L3MBTL2: variants seen among roughly 807,000 people sequenced by gnomAD.
L3MBTL2 encodes lethal(3)malignant brain tumor-like protein 2.
L3MBTL2 carries 49 observed loss-of-function variants against 86.4 expected under a neutral mutation model. The observed-to-expected ratio is 0.57, with a 90% CI of 0.45 to 0.72. The LOEUF (loss-of-function observed/expected upper bound fraction) is 0.72, where lower values mean the gene tolerates loss of function less well. Among genes scored for constraint, L3MBTL2 ranks in the 30% least tolerant of loss-of-function variants. The pLI is 0.00. For synonymous variants in L3MBTL2, 336 were observed against 350.6 expected (o/e 0.96, Z 0.47); for missense variants, 755 against 923.7 (o/e 0.82, Z 2.37).
intron 3 of L3MBTL2, 113 bp from the exon 4 acceptor site, chr22:41,216,026 G>A (rs2031330213): frequency 8.5e-6 from 10 of 1,181,356 alleles, no homozygotes; most frequent in Non-Finnish European, 1.2e-5. Flanking sequence ...AGAAACTGAA[G>A]CCCAAAAGAG....
intron 8 of L3MBTL2, among the ~76,000 whole-genome samples, chr22:41,222,379 C>T (rs2031887178): frequency 6.6e-6 from 1 of 152,248 alleles, no homozygotes; most frequent in Non-Finnish European, 1.5e-5. Context: ...GTCTGGGGCG[C>T]CTCTGGGCTG....
At position 41,229,608 on chromosome 22, in the gene L3MBTL2, G is replaced by A. The variant is rs1017098166; in HGVS notation, c.1957G>A (p.Asp653Asn). 68 of 1,613,684 alleles carry A rather than the reference G, an allele frequency of 4.2e-5. No homozygotes were observed. Among genetic ancestry groups the A allele is most frequent in the East Asian group, 8.9e-5 (4 of 44,892 alleles). ...QGSKKPLLED[D>N]PQGARKISSE... is the part of the protein sequence containing the mutation. ...GTCCAAGAAGCCCCTGCTGGAGGAC[G>A]ACCCTCAGGGTGCCAGGAAGATCTC... The change falls in exon 16 of 17, where the codon GAC (aspartate) becomes AAC (asparagine). Residue 653 changes from aspartate (D) to asparagine (N), a missense_variant. Physicochemically the swap from Asp to Asn is conservative, Grantham distance 23. This residue lies in a region of L3MBTL2 where 634 missense variants were observed against 748.9 expected (regional missense o/e 0.85). Transcript: ENST00000216237.
At chr22:41,205,635 G>C (rs1321186557) in intron 1 of L3MBTL2, among the ~76,000 whole-genome samples, 4 of 152,164 alleles carry the variant, frequency 2.6e-5, no homozygotes, top group Admixed American at 1.3e-4. Context: ...AAGGGAACTA[G>C]GTTTAGGATC....
At chr22:41,213,509 C>G in intron 2 of L3MBTL2, 1 of 147,874 alleles carries the variant, frequency 6.8e-6, no homozygotes, top group South Asian at 2.1e-4. Context: ...CCAGGATGGT[C>G]TCAAATTCTT....
intron 16 of L3MBTL2, 46 bp from the exon 17 acceptor site, chr22:41,230,093 C>CCCAGGG: frequency 1.0e-6 from 1 of 965,774 alleles, no homozygotes; most frequent in South Asian, 1.5e-5. Flanking sequence ...CCACCCCTCC[C>CCCAGGG]AGAGTTATTT....
At chr22:41,219,211 G>A (rs1350247663) in intron 5 of L3MBTL2, 3 of 480,858 alleles carry the variant, frequency 6.2e-6, no homozygotes, top group Non-Finnish European at 1.2e-5. Context: ...CCATCACCCT[G>A]CATCCCACCA....
intron 3 of L3MBTL2, among the ~76,000 whole-genome samples, chr22:41,215,262 C>A (rs575123966): frequency 6.6e-6 from 1 of 152,060 alleles, no homozygotes; most frequent in Non-Finnish European, 1.5e-5. Context: ...CCCTCTCTTC[C>A]GAGAGCTAAG....
chr22:41,216,049 G>T (rs775015134), intron 3 of L3MBTL2, 90 bp from the exon 4 acceptor site: 3 of 1,424,944 alleles, frequency 2.1e-6, no homozygotes, highest in Non-Finnish European at 2.9e-6. Context: ...TAAGTCACTG[G>T]CCCAAGCCCA....
rs551517592 is a variant in L3MBTL2 at position 41,225,566 on chromosome 22, C to A, written c.1357-228C>A. Among the ~76,000 whole-genome samples the A allele has an allele frequency of 7.9e-5, 12 of 152,332 alleles. No individual in the cohort carries two copies. The highest frequency in any genetic ancestry group is 1.9e-4 in the African/African-American group (8 of 41,572). ...ACACGGTCCAACAGGATGGACGCGG[C>A]CCCTGCTGGCGTGGTGTTTGCTGTC... On this transcript the variant is annotated intron_variant, in intron 11 of 16. Coordinates refer to ENST00000216237, the MANE Select transcript of L3MBTL2 (RefSeq NM_031488.5). This position sits in a 1 kb window ranked among gnomAD's most constrained non-coding sequence, Gnocchi z 4.1.
In L3MBTL2 at chr22:41,227,007, C is replaced by G. The variant is rs2032230085; in HGVS notation, c.1588-82C>G. Reference sequence around the variant, plus strand: ...CAGTCCCCGCCCCTCCCTGCCAGTTCTTCAAGTGCCTCCGGGCCGGGGCAA... The same window carrying G: ...CAGTCCCCGCCCCTCCCTGCCAGTTGTTCAAGTGCCTCCGGGCCGGGGCAA... On this transcript the variant is annotated intron_variant, in intron 13 of 16. Transcript: ENST00000216237. This position sits in a 1 kb window ranked among gnomAD's most constrained non-coding sequence, Gnocchi z 6.0. The G allele has an allele frequency of 2.3e-5, 29 of 1,271,916 alleles. No homozygotes were observed. Among genetic ancestry groups the G allele is most frequent in the Non-Finnish European group, 3.1e-5 (28 of 911,076 alleles). 78.8% of individuals were successfully genotyped at this position (1,271,916 alleles called of 1,614,324 possible). A position where few individuals can be genotyped will look rare whatever the true frequency, so the allele number is the denominator to read the frequency against.
At chr22:41,210,620 C>T (rs893016710) in intron 2 of L3MBTL2, among the ~76,000 whole-genome samples, 5 of 152,080 alleles carry the variant, frequency 3.3e-5, no homozygotes, top group African/African-American at 1.2e-4. Context: ...TGTGCCACCG[C>T]GCCAGCCTAA....
At chr22:41,216,988 G>C in intron 4 of L3MBTL2, 135 bp from the exon 5 acceptor site, 1 of 650,178 alleles carries the variant, frequency 1.5e-6, no homozygotes, top group Non-Finnish European at 2.7e-6. Context: ...GGAGGGTGTC[G>C]TGGGCAGCGC....
At position 41,225,080 on chromosome 22, in the gene L3MBTL2, G is replaced by C; in HGVS notation, c.1356+9G>C. 6.2e-7 allele frequency: 1 copy of C among 1,608,130 alleles called. No homozygotes were observed. The highest frequency in any genetic ancestry group is 2.2e-5 in the East Asian group (1 of 44,830). ...TGGCAACTGTCTGTAAGGTGAGCCA[G>C]GGGCCGGCTCTCCAGCCTCCAGATT... On this transcript the variant is annotated intron_variant, in intron 11 of 16. Transcript: ENST00000216237. This position sits in a 1 kb window ranked among gnomAD's most constrained non-coding sequence, Gnocchi z 4.1.
chr22:41,222,834 T>C (rs1601526175), intron 8 of L3MBTL2, among the ~76,000 whole-genome samples: 2 of 151,948 alleles, frequency 1.3e-5, no homozygotes, highest in Admixed American at 1.3e-4. Context: ...GGTGAGAGAA[T>C]CGCTTGAAAC....
At position 41,227,565 on chromosome 22, in the gene L3MBTL2, G is replaced by T. The variant is rs747621472; in HGVS notation, c.1823-239G>T. The T allele has an allele frequency of 2.6e-6, 4 of 1,545,850 alleles. No individual in the cohort carries two copies. In the Admixed American group the frequency reaches 5.9e-5, roughly 23 times the overall value. On this transcript the variant is annotated intron_variant, in intron 14 of 16. Coordinates refer to ENST00000216237, the MANE Select transcript of L3MBTL2 (RefSeq NM_031488.5). The surrounding 1 kb of genome is among the most constrained non-coding windows in gnomAD (Gnocchi z 6.0). ...CACTCTGTCATATGTTCGTGCCCTT[G>T]TGCACCCAGGTAAACTACCCAGGTC...
chr22:41,216,889 T>A (rs2031415977), intron 4 of L3MBTL2: 1 of 472,442 alleles, frequency 2.1e-6, no homozygotes, highest in Non-Finnish European at 3.8e-6. Flanking sequence ...CTTTGAATGT[T>A]CCTCTACTCC....
intron 1 of L3MBTL2, among the ~76,000 whole-genome samples, chr22:41,207,123 A>G (rs2030286770): frequency 6.6e-6 from 1 of 152,176 alleles, no homozygotes; most frequent in Non-Finnish European, 1.5e-5. Context: ...CAGGCAAATC[A>G]GAGCCTATGC....
intron 3 of L3MBTL2, among the ~76,000 whole-genome samples, chr22:41,215,459 A>C (rs189472277): frequency 6.6e-6 from 1 of 152,238 alleles, no homozygotes; most frequent in Non-Finnish European, 1.5e-5. Context: ...TTTGCCCTGT[A>C]GGTTTGTTTG....
chr22:41,224,265 C>T lies in L3MBTL2; in HGVS notation c.1174+14C>T, dbSNP rs1364565369. 6 of 1,596,342 alleles carry T rather than the reference C, an allele frequency of 3.8e-6. No individual in the cohort carries two copies. Among genetic ancestry groups the T allele is most frequent in the Non-Finnish European group, 5.1e-6 (6 of 1,165,464 alleles). On this transcript the variant is annotated intron_variant, in intron 9 of 16. Coordinates refer to ENST00000216237, the MANE Select transcript of L3MBTL2 (RefSeq NM_031488.5). This position sits in a 1 kb window ranked among gnomAD's most constrained non-coding sequence, Gnocchi z 4.9. ...TCAAGATGTCAGGTTAGCAGAGCCC[C>T]AGGCCAGAGGGACTGCATGCTGTGC...
Sources: allele counts gnomAD v4.1 joint callset (sites outside exome capture counted in the v4.1 genomes callset), GRCh38; gene constraint gnomAD v4.1.1; regional missense constraint gnomAD v4.1.1; non-coding constraint Gnocchi (gnomAD v3.1); transcripts MANE v1.5; gene names NCBI Gene and HGNC (gene_info 2026-07-23, HGNC 2026-07-21).